The following NLRP3 variants were observed in gnomAD, a reference collection of about 807,000 sequenced individuals.
The protein encoded by NLRP3 is NLR family pyrin domain containing 3, also known as NACHT, LRR and PYD domains-containing protein 3.
NLRP3 carries 48 observed loss-of-function variants against 91.3 expected under a neutral mutation model. The observed-to-expected ratio is 0.53, with a 90% confidence interval of 0.42 to 0.67. The LOEUF is 0.67. Ranked by LOEUF, NLRP3 falls within the 30% of genes least tolerant of loss-of-function variation. NLRP3 has a pLI of 0.00. For missense variants in NLRP3, 982 were observed against 1,276.9 expected (o/e 0.77, Z 3.52); for synonymous variants, 561 against 507.9 (o/e 1.10, Z -1.41).
chr1:247,433,797 A>G (rs1290683779), intron 5 of NLRP3, among the ~76,000 whole-genome samples: 3 of 136,736 alleles, frequency 2.2e-5, no homozygotes, highest in African/African-American at 8.1e-5. Flanking sequence ...TCTATTCCAG[A>G]GCTCTCTGGT....
In NLRP3 at chr1:247,424,804, G is replaced by A. The variant is rs543916695; in HGVS notation, c.1355G>A (p.Arg452Gln). 9.9e-6 allele frequency: 16 copies of A among 1,609,150 alleles called. No individual in the cohort carries two copies. Among genetic ancestry groups the A allele is most frequent in the East Asian group, 4.5e-5 (2 of 44,884 alleles). The change falls in exon 4 of 10, where the codon CGG (arginine) becomes CAG (glutamine). Residue 452 changes from arginine to glutamine, a missense_variant. By Grantham distance (43) the Arg-to-Gln change is conservative (BLOSUM62 1). Coordinates refer to ENST00000336119, the MANE Select transcript of NLRP3 (RefSeq NM_001243133.2). This position sits in a 1 kb window ranked among gnomAD's most constrained non-coding sequence, Gnocchi z 8.1. ...TTCCTTTCCAGTTTGCTGCAGCCCC[G>A]GGGAGGGAGCCAGGAGCACGGCCTC... ...VFFLSSLLQP[R>Q]GGSQEHGLCA...
intron 5 of NLRP3, among the ~76,000 whole-genome samples, chr1:247,430,404 G>A (rs1237472962): frequency 6.7e-6 from 1 of 150,292 alleles, no homozygotes; most frequent in Non-Finnish European, 1.5e-5. Context: ...TACAGGGACA[G>A]CAGTCCTGAT....
chr1:247,444,711 C>T lies in NLRP3; in HGVS notation c.2895C>T (p.Ser965=), dbSNP rs375385963. Residue 965 remains serine, a synonymous_variant, in exon 9 of 10, where the codon TCC becomes TCT. Transcript: ENST00000336119. ...GGGATCTTTCCACACTTCTGACCTC[C>T]AGCCAGAGCCTGCGAAAGCTGAGCC... ...CCWDLSTLLT[S]SQSLRKLSLG... is the part of the protein sequence containing the mutation. 1.2e-6 allele frequency: 2 copies of T among 1,614,122 alleles called. No individual in the cohort carries two copies. The highest frequency in any genetic ancestry group is 1.7e-6 in the Non-Finnish European group (2 of 1,180,030).
At chr1:247,419,164 ATTT>A (rs796602770) in intron 2 of NLRP3, 87 bp downstream of exon 2, 361 of 693,366 alleles carry the variant, frequency 5.2e-4, no homozygotes, top group Admixed American at 1.8e-3. Context: ...ATATATATAT[ATTT>A]TTTTTTGAGA....
Position 247,425,684 on chromosome 1 carries a change from CT to C in NLRP3, c.2150+86del. The C allele has an allele frequency of 7.9e-7, 1 of 1,272,718 alleles. No individual in the cohort carries two copies. Among genetic ancestry groups the C allele is most frequent in the Middle Eastern group, 2.6e-4 (1 of 3,828 alleles). 78.8% of individuals were successfully genotyped at this position (1,272,718 alleles called of 1,614,324 possible). ...CTTGCCTCCTCTCATCTCTTTTCAA[CT>C]ATCTTCCAAATACTGTTGCCACAGC... On this transcript the variant is annotated intron_variant, in intron 4 of 9. Coordinates refer to ENST00000336119, the MANE Select transcript of NLRP3 (RefSeq NM_001243133.2). This position sits in a 1 kb window ranked among gnomAD's most constrained non-coding sequence, Gnocchi z 4.1.
chr1:247,444,573 A>G, intron 8 of NLRP3, 78 bp from the exon 9 acceptor site: 3 of 1,496,388 alleles, frequency 2.0e-6, no homozygotes, highest in Non-Finnish European at 2.8e-6. Context: ...GAAACAAGAC[A>G]GGCTAAGATG....
chr1:247,446,323 G>A (rs1173807596), intron 9 of NLRP3, among the ~76,000 whole-genome samples: 1 of 152,192 alleles, frequency 6.6e-6, no homozygotes, highest in African/African-American at 2.4e-5. Context: ...TAGCAGACAA[G>A]GGATTCAGCT....
rs1489421968 is a variant in NLRP3, at chr1:247,424,322, A to C, written c.873A>C (p.Lys291Asn). 6.2e-7 allele frequency: 1 copy of C among 1,613,304 alleles called. No homozygotes were observed. Among genetic ancestry groups the C allele is most frequent in the African/African-American group, 1.3e-5 (1 of 74,730 alleles). Residue 291 changes from lysine (K) to asparagine (N), a missense_variant, in exon 4 of 10, where the codon AAA becomes AAC. This residue lies in a region of NLRP3 where 548 missense variants were observed against 713.7 expected (regional missense o/e 0.77). Coordinates refer to ENST00000336119, the MANE Select transcript of NLRP3 (RefSeq NM_001243133.2). The surrounding 1 kb of genome is among the most constrained non-coding windows in gnomAD (Gnocchi z 8.1). ...CACCCATCCACAAGATCGTGAGAAA[A>C]CCCTCCAGAATCCTCTTCCTCATGG... The part of the protein sequence containing the change: ...PNPPIHKIVR[K>N]PSRILFLMDG...
At position 247,418,639 on chromosome 1, in the gene NLRP3, A is replaced by T; in HGVS notation, c.-162A>T. 1 of 890,542 alleles carries T rather than the reference A, an allele frequency of 1.1e-6. No homozygotes were observed. The highest frequency in any genetic ancestry group is 1.8e-6 in the Non-Finnish European group (1 of 569,324). 55.2% of individuals were successfully genotyped at this position (890,542 alleles called of 1,614,324 possible). On this transcript the variant is annotated 5_prime_UTR_variant, in exon 2 of 10. Transcript: ENST00000336119. ...TCAAAATTAAAGATTTTGACTTGTT[A>T]CAGTCATGTGACATTTTTTTCTTTC...
Position 247,445,118 on chromosome 1 carries a change from G to A in NLRP3, c.3005+297G>A, listed in dbSNP as rs146768449. On this transcript the variant is annotated intron_variant, in intron 9 of 9. Transcript: ENST00000336119. ...AGGATTCTGTTCTACACAAGGAACC[G>A]AACTTCGTAGAACTCGTCTATGGGT... is the stretch of plus-strand genomic sequence containing the variant. 2.1e-3 allele frequency among the ~76,000 whole-genome samples: 316 copies of A among 152,280 alleles called. 1 individual carries two copies. The highest frequency in any genetic ancestry group is 7.1e-3 in the African/African-American group (295 of 41,556).
chr1:247,417,788 AT>A (rs1488697119), intron 1 of NLRP3, among the ~76,000 whole-genome samples: 19 of 152,104 alleles, frequency 1.2e-4, no homozygotes, highest in Non-Finnish European at 2.1e-4. Context: ...ATTATTCTCC[AT>A]TATGCACTCC....
At chr1:247,422,723 C>T (rs991119429) in intron 2 of NLRP3, among the ~76,000 whole-genome samples, 2 of 152,134 alleles carry the variant, frequency 1.3e-5, no homozygotes, top group African/African-American at 4.8e-5. Flanking sequence ...AGATTAGGCA[C>T]GAAATAGACT....
Position 247,424,569 on chromosome 1 carries a change from G to C in NLRP3, c.1120G>C (p.Ala374Pro). 6.2e-7 allele frequency: 1 copy of C among 1,614,174 alleles called. No individual in the cohort carries two copies. Among genetic ancestry groups the C allele is most frequent in the South Asian group, 1.1e-5 (1 of 91,078 alleles). The change falls in exon 4 of 10, where the codon GCC (alanine) becomes CCC (proline). Residue 374 changes from alanine (A) to proline (P), a missense_variant. Physicochemically the swap from Ala to Pro is conservative, Grantham distance 27 (BLOSUM62 -1). Coordinates refer to ENST00000336119, the MANE Select transcript of NLRP3 (RefSeq NM_001243133.2). This position sits in a 1 kb window ranked among gnomAD's most constrained non-coding sequence, Gnocchi z 8.1. ...TGTGGAGATCCTGGGTTTCTCCGAGGCCAAAAGGAAAGAGTACTTCTTCAA... is the reference window on the plus strand; with the variant it reads ...TGTGGAGATCCTGGGTTTCTCCGAGCCCAAAAGGAAAGAGTACTTCTTCAA... ...RHVEILGFSEAKRKEYFFKYF... is the reference protein window; with the variant it reads ...RHVEILGFSEPKRKEYFFKYF...
At chr1:247,423,415 G>A in intron 3 of NLRP3, 66 bp downstream of exon 3, 2 of 1,600,532 alleles carry the variant, frequency 1.2e-6, no homozygotes, top group South Asian at 2.2e-5. Context: ...CTGGGAAGCT[G>A]AGCAGCTGGG....
In NLRP3 at chr1:247,424,933, C is replaced by T. The variant is rs180177474; in HGVS notation, c.1484C>T (p.Ala495Val). The change falls in exon 4 of 10, where the codon GCG becomes GTG. Residue 495 changes from alanine to valine, a missense_variant. Physicochemically the swap from Ala to Val is moderately conservative, Grantham distance 64. Around this residue, in one of 5 missense-constraint regions of NLRP3, gnomAD observed 548 missense variants for 713.7 expected, o/e 0.77. Transcript: ENST00000336119. This position sits in a 1 kb window ranked among gnomAD's most constrained non-coding sequence, Gnocchi z 8.1. ...CTCAGGAATCATGGACTGCAGAAGG[C>T]GGATGTGTCTGCTTTCCTGAGGATG... Reference protein sequence around the residue: ...SDLRNHGLQKADVSAFLRMNL... With the variant: ...SDLRNHGLQKVDVSAFLRMNL... 11 of 1,613,440 alleles carry T rather than the reference C, an allele frequency of 6.8e-6. No individual in the cohort carries two copies. Among genetic ancestry groups the T allele is most frequent in the Admixed American group, 5.0e-5 (3 of 60,014 alleles).
intron 5 of NLRP3, among the ~76,000 whole-genome samples, 153 bp downstream of exon 5, chr1:247,429,908 C>T (rs1425921069): frequency 6.6e-6 from 1 of 151,874 alleles, no homozygotes; most frequent in African/African-American, 2.4e-5. Context: ...GAGTTTTGCT[C>T]TTATTGCCCA....
At chr1:247,441,127 TTCTCTTTCTTTCTTTC>T (rs1319844547) in intron 7 of NLRP3, among the ~76,000 whole-genome samples, 1,440 of 127,154 alleles carry the variant, frequency 0.011, 24 homozygotes, top group Non-Finnish European at 0.016. Flanking sequence ...CTTTTTCTTT[TTCTCTTTCTTTCTTTC>T]TTTCTCTCTC....
chr1:247,442,654 C>T lies in NLRP3; in HGVS notation c.2664-1318C>T, dbSNP rs74154646. Among the ~76,000 whole-genome samples the T allele has an allele frequency of 4.0e-3, 606 of 152,308 alleles. 1 individual carries two copies. The highest frequency in any genetic ancestry group is 0.014 in the African/African-American group (586 of 41,570). On this transcript the variant is annotated intron_variant, in intron 7 of 9. Transcript: ENST00000336119. ...GGTCTGGATCCCTCCCCACCACACA[C>T]CTGCTCTGTGGCCTTGAGAGAAACA...
At position 247,424,896 on chromosome 1, in the gene NLRP3, G is replaced by A; in HGVS notation, c.1447G>A (p.Glu483Lys). 6.2e-7 allele frequency: 1 copy of A among 1,610,832 alleles called. No homozygotes were observed. The highest frequency in any genetic ancestry group is 8.5e-7 in the Non-Finnish European group (1 of 1,180,022). Reference protein sequence around the residue: ...DGIWNQKILFEESDLRNHGLQ... With the variant: ...DGIWNQKILFKESDLRNHGLQ... ...AATCTGGAACCAGAAAATCCTGTTT[G>A]AGGAGTCCGACCTCAGGAATCATGG... The change falls in exon 4 of 10, where the codon GAG becomes AAG. Residue 483 changes from glutamate (E) to lysine (K), a missense_variant. By Grantham distance (56) the Glu-to-Lys change is moderately conservative. This residue lies in a region of NLRP3 where 548 missense variants were observed against 713.7 expected (regional missense o/e 0.77). Transcript: ENST00000336119. The surrounding 1 kb of genome is among the most constrained non-coding windows in gnomAD (Gnocchi z 8.1).
Sources: allele counts gnomAD v4.1 joint callset (sites outside exome capture counted in the v4.1 genomes callset), GRCh38; gene constraint gnomAD v4.1.1; regional missense constraint gnomAD v4.1.1; non-coding constraint Gnocchi (gnomAD v3.1); transcripts MANE v1.5; gene names NCBI Gene and HGNC (gene_info 2026-07-23, HGNC 2026-07-21).